The following DCC variants were observed in gnomAD, a reference collection of about 807,000 sequenced individuals.
DCC encodes the protein netrin receptor DCC.
DCC carries 58 observed loss-of-function variants against 172.5 expected under a neutral mutation model. That is an observed-to-expected ratio of 0.34 (90% CI 0.27 to 0.42). The LOEUF is 0.42. Among genes scored for constraint, DCC ranks in the 10% least tolerant of loss-of-function variants. The probability of loss-of-function intolerance (pLI) is 1.00; values close to 1 mark genes in which losing one functional copy is unlikely to be tolerated. For missense variants in DCC, 1,740 were observed against 1,791.0 expected (o/e 0.97, Z 0.51); for synonymous variants, 709 against 644.5 (o/e 1.10, Z -1.52).
At chr18:52,780,054 C>CATT (rs5824962) in intron 2 of DCC, among the ~76,000 whole-genome samples, 3,322 of 149,434 alleles carry the variant, frequency 0.022, 116 homozygotes, top group African/African-American at 0.077. Flanking sequence ...ACTACTTCAT[C>CATT]GTGGCCTTTT....
intron 27 of DCC, among the ~76,000 whole-genome samples, chr18:53,503,876 T>C (rs1009808268): frequency 6.6e-6 from 1 of 152,218 alleles, no homozygotes; most frequent in African/African-American, 2.4e-5. Context: ...TACACACATA[T>C]ATTTATAAAA....
At chr18:53,256,053 T>C (rs1193996004) in intron 12 of DCC, among the ~76,000 whole-genome samples, 1 of 152,198 alleles carries the variant, frequency 6.6e-6, no homozygotes, top group Non-Finnish European at 1.5e-5. Context: ...CACTTTTTGA[T>C]GGGGTTGTTT....
At chr18:52,644,905 A>T (rs12969509) in intron 1 of DCC, among the ~76,000 whole-genome samples, 4,765 of 151,512 alleles carry the variant, frequency 0.031, 129 homozygotes, top group Admixed American at 0.079. Flanking sequence ...TTGATAGACT[A>T]CTCTAAAAAG....
intron 2 of DCC, among the ~76,000 whole-genome samples, chr18:52,783,800 ATACT>A (rs1008426190): frequency 1.6e-4 from 25 of 152,158 alleles, no homozygotes; most frequent in Middle Eastern, 3.4e-3. Flanking sequence ...AGGGCAATAC[ATACT>A]TCATAAATTG....
At chr18:53,378,885 GA>G (rs113956754) in intron 15 of DCC, among the ~76,000 whole-genome samples, 1 of 151,788 alleles carries the variant, frequency 6.6e-6, no homozygotes, top group South Asian at 2.1e-4. Flanking sequence ...TTCTAGAAAA[GA>G]AAAAAAGAAA....
At chr18:52,758,640 C>T (rs2037112923) in intron 2 of DCC, 1 of 151,404 alleles carries the variant, frequency 6.6e-6, no homozygotes, top group South Asian at 2.1e-4. Context: ...GAAATGATAA[C>T]CTGACCTTTA....
intron 2 of DCC, among the ~76,000 whole-genome samples, chr18:52,806,644 C>A (rs535973255): frequency 7.2e-5 from 11 of 152,292 alleles, no homozygotes; most frequent in African/African-American, 2.4e-4. Context: ...GAATATTTGT[C>A]TTTTCTGGGA....
chr18:53,362,147 C>T (rs528420482), intron 15 of DCC, among the ~76,000 whole-genome samples: 23 of 152,212 alleles, frequency 1.5e-4, no homozygotes, highest in African/African-American at 5.3e-4. Flanking sequence ...TACATTATTG[C>T]CATACCATCT....
intron 1 of DCC, among the ~76,000 whole-genome samples, chr18:52,444,044 G>T (rs2195780): frequency 1.3e-5 from 2 of 152,128 alleles, no homozygotes; most frequent in Non-Finnish European, 2.9e-5. Flanking sequence ...ACAGATGCCC[G>T]GGATTTCTGT....
At chr18:53,192,314 C>T (rs2055377435) in intron 9 of DCC, among the ~76,000 whole-genome samples, 1 of 152,080 alleles carries the variant, frequency 6.6e-6, no homozygotes, top group Non-Finnish European at 1.5e-5. Context: ...TTTATTGTTG[C>T]TGCTATTGGG....
At chr18:53,070,290 G>A (rs2042634967) in intron 7 of DCC, among the ~76,000 whole-genome samples, 1 of 152,128 alleles carries the variant, frequency 6.6e-6, no homozygotes. Flanking sequence ...CTGAGCCACT[G>A]CACCCAGCCA....
chr18:52,602,821 A>T (rs58899201), intron 1 of DCC, among the ~76,000 whole-genome samples: 3,190 of 152,082 alleles, frequency 0.021, 133 homozygotes, highest in African/African-American at 0.073. Context: ...TTTTTGCCTT[A>T]TGCCTTAGGT....
intron 5 of DCC, among the ~76,000 whole-genome samples, chr18:52,943,759 G>A (rs1412258763): frequency 6.7e-6 from 1 of 149,074 alleles, no homozygotes; most frequent in South Asian, 2.1e-4. Context: ...TGTTTGTTTT[G>A]TTTTGTTTGA....
At chr18:53,460,892 C>T (rs2045550542) in intron 24 of DCC, among the ~76,000 whole-genome samples, 1 of 152,082 alleles carries the variant, frequency 6.6e-6, no homozygotes, top group Non-Finnish European at 1.5e-5. Flanking sequence ...TTTACAGTCC[C>T]ACCAACAGTG....
Position 53,226,948 on chromosome 18 carries a change from A to ATATATTTTTTTT in DCC, c.1911+11352_1911+11353insATATTTTTTTTT. Among the ~76,000 whole-genome samples the ATATATTTTTTTT allele has an allele frequency of 5.8e-3, 307 of 52,916 alleles. 17 individuals are homozygous for ATATATTTTTTTT. Among genetic ancestry groups the ATATATTTTTTTT allele is most frequent in the African/African-American group, 0.028 (292 of 10,586 alleles). The allele number at this position is 52,916 out of a possible 152,430, so 34.7% of individuals were successfully genotyped here. On this transcript the variant is annotated intron_variant, in intron 12 of 28. Coordinates refer to ENST00000442544, the MANE Select transcript of DCC (RefSeq NM_005215.4). ...TGTGTGTGTGTGTATATATATATAT[A>ATATATTTTTTTT]TTTTTTTTTTTTTTTTTTTGAGGCA...
intron 2 of DCC, among the ~76,000 whole-genome samples, chr18:52,898,717 A>G (rs2145434136): frequency 6.7e-6 from 1 of 149,828 alleles, no homozygotes; most frequent in African/African-American, 2.5e-5. Context: ...TTTTTTTAGC[A>G]TCACAAAGGA....
chr18:53,196,766 G>A (rs990980025), intron 9 of DCC, among the ~76,000 whole-genome samples: 1 of 152,076 alleles, frequency 6.6e-6, no homozygotes, highest in Non-Finnish European at 1.5e-5. Flanking sequence ...TTAGAATATT[G>A]TGTGTTAGCA....
At chr18:52,998,768 T>A (rs1322165626) in intron 5 of DCC, among the ~76,000 whole-genome samples, 1 of 152,044 alleles carries the variant, frequency 6.6e-6, no homozygotes, top group Non-Finnish European at 1.5e-5. Flanking sequence ...CTAGGATCAC[T>A]TTTACTGAAA....
At chr18:52,821,109 C>T (rs978160436) in intron 2 of DCC, among the ~76,000 whole-genome samples, 1 of 152,118 alleles carries the variant, frequency 6.6e-6, no homozygotes, top group African/African-American at 2.4e-5. Context: ...TCTTCCTTAT[C>T]TACTACATTC....
Sources: gnomAD v4.1 joint callset for allele counts (sites outside exome capture counted in the v4.1 genomes callset) on GRCh38, gnomAD v4.1.1 for gene constraint, MANE v1.5 for transcripts, NCBI Gene and HGNC (gene_info 2026-07-23, HGNC 2026-07-21) for gene names.